MECOM: variants seen among roughly 807,000 people sequenced by gnomAD.
MECOM encodes the protein MDS1 and EVI1 complex locus.
A neutral mutation model predicts 116.3 loss-of-function variants in MECOM; 13 were observed. The ratio of observed to expected loss-of-function variants is 0.11; its 90% CI spans 0.07 to 0.18. The LOEUF is 0.18. Ranked by LOEUF, MECOM falls within the 10% of genes least tolerant of loss-of-function variation. MECOM has a pLI of 1.00. For synonymous variants in MECOM, 528 were observed against 535.2 expected (o/e 0.99, Z 0.19); for missense variants, 1,299 against 1,509.0 (o/e 0.86, Z 2.31).
intron 2 of MECOM, among the ~76,000 whole-genome samples, chr3:169,183,761 TACACACACACACACACACACACACACAC>T (rs71166249): frequency 0.1 from 12,129 of 118,740 alleles, 995 homozygotes; most frequent in East Asian, 0.28. Context: ...GATACATACA[TACACACACACACACACACACACACACAC>T]ACACACACAC....
chr3:169,102,917 C>T (rs1724083538), intron 10 of MECOM, among the ~76,000 whole-genome samples: 1 of 151,800 alleles, frequency 6.6e-6, no homozygotes, highest in African/African-American at 2.4e-5. Flanking sequence ...TATAACATAA[C>T]TTGGCATGTG....
At position 169,663,690 on chromosome 3, in the gene MECOM, A is replaced by G. The variant is rs1053908660; in HGVS notation, c.-318T>C. 5.5e-6 allele frequency: 2 copies of G among 364,622 alleles called. No individual in the cohort carries two copies. Among genetic ancestry groups the G allele is most frequent in the Non-Finnish European group, 9.8e-6 (2 of 204,366 alleles). 22.6% of individuals were successfully genotyped at this position (364,622 alleles called of 1,614,324 possible). On this transcript the variant is annotated 5_prime_UTR_variant, in exon 1 of 17. Transcript: ENST00000651503. ...TTGGACACCTTCGCACATGCGCGCT[A>G]GACGCCCCTCCAACATCTCAGCGCC...
intron 2 of MECOM, among the ~76,000 whole-genome samples, chr3:169,239,738 C>A (rs1280517638): frequency 1.3e-5 from 2 of 151,900 alleles, no homozygotes; most frequent in Admixed American, 6.6e-5. Context: ...AGAATAGAAA[C>A]CTCAGTTACA....
intron 2 of MECOM, among the ~76,000 whole-genome samples, chr3:169,263,077 C>CTCTATA (rs1757751466): frequency 3.0e-5 from 1 of 32,914 alleles, no homozygotes; most frequent in African/African-American, 1.0e-4. Context: ...TTTCAAGATG[C>CTCTATA]TATATATATA....
intron 2 of MECOM, among the ~76,000 whole-genome samples, chr3:169,218,600 T>C (rs2149491227): frequency 6.6e-6 from 1 of 152,324 alleles, no homozygotes; most frequent in African/African-American, 2.4e-5. Context: ...GCCTGTAACC[T>C]GTGGTCTCAC....
chr3:169,181,853 T>C (rs1746011885), intron 2 of MECOM, among the ~76,000 whole-genome samples: 1 of 152,208 alleles, frequency 6.6e-6, no homozygotes, highest in Non-Finnish European at 1.5e-5. Context: ...TCTGTGACCC[T>C]GGAACATTAA....
intron 1 of MECOM, among the ~76,000 whole-genome samples, chr3:169,538,061 G>A (rs1422259618): frequency 2.6e-5 from 4 of 152,242 alleles, no homozygotes; most frequent in African/African-American, 9.6e-5. Context: ...CTGAGATGGG[G>A]TCTAGGCATC....
Position 169,084,286 on chromosome 3 carries a change from C to T in MECOM, c.*623G>A, listed in dbSNP as rs1488381038. ...CTTAACCTCTTTGAGTGTTAACATC[C>T]ATAGTTTACAATATACACATACCCT... On this transcript the variant is annotated 3_prime_UTR_variant, in exon 17 of 17. Coordinates refer to ENST00000651503, the MANE Select transcript of MECOM (RefSeq NM_004991.4). 4.3e-6 allele frequency: 1 copy of T among 230,554 alleles called. No individual in the cohort carries two copies. Among genetic ancestry groups the T allele is most frequent in the African/African-American group, 2.2e-5 (1 of 45,166 alleles). The allele number at this position is 230,554 out of a possible 1,614,324, so 14.3% of individuals were successfully genotyped here.
chr3:169,649,409 C>CAA (rs71634436), intron 1 of MECOM, among the ~76,000 whole-genome samples: 4 of 74,452 alleles, frequency 5.4e-5, no homozygotes, highest in East Asian at 3.7e-4. Context: ...AACTCCATCT[C>CAA]AAAAAAAAAA....
At chr3:169,661,306 C>A in intron 1 of MECOM, among the ~76,000 whole-genome samples, 1 of 134,524 alleles carries the variant, frequency 7.4e-6, no homozygotes, top group Admixed American at 7.3e-5. Context: ...CCCGCCAACT[C>A]CCCCCCCCAC....
Position 169,533,106 on chromosome 3 carries a change from A to G in MECOM, c.37+130230T>C, listed in dbSNP as rs148704765. Among the ~76,000 whole-genome samples, 19 of 152,266 alleles carry G rather than the reference A, an allele frequency of 1.2e-4. No homozygotes were observed. In the East Asian group the frequency reaches 3.1e-3, roughly 25 times the overall value. On this transcript the variant is annotated intron_variant, in intron 1 of 16. Transcript: ENST00000651503. The stretch of plus-strand genomic sequence containing the variant: ...TGCAGCCGATGCCACTGAGTCATCA[A>G]TTTCCACTGTATTATCCAATGTTCT...
chr3:169,293,745 G>A (rs1219373316), intron 2 of MECOM, among the ~76,000 whole-genome samples: 1 of 152,180 alleles, frequency 6.6e-6, no homozygotes, highest in Non-Finnish European at 1.5e-5. Flanking sequence ...AGGGTATGGA[G>A]TTTGTCTAGA....
chr3:169,095,895 G>A (rs921703834), intron 12 of MECOM, among the ~76,000 whole-genome samples: 2 of 151,792 alleles, frequency 1.3e-5, no homozygotes, highest in African/African-American at 2.4e-5. Context: ...GAAAGCAAAG[G>A]GCTTCCATTT....
chr3:169,420,928 T>C (rs946412294), intron 1 of MECOM, among the ~76,000 whole-genome samples: 1 of 152,176 alleles, frequency 6.6e-6, no homozygotes, highest in African/African-American at 2.4e-5. Flanking sequence ...AACACAATTT[T>C]ATGTAGGGTG....
intron 1 of MECOM, among the ~76,000 whole-genome samples, chr3:169,419,020 T>C (rs6795514): frequency 0.12 from 18,090 of 152,246 alleles, 1,401 homozygotes; most frequent in East Asian, 0.35. Flanking sequence ...CAAAATCTCC[T>C]TAAGCTGATA....
chr3:169,598,148 T>C (rs760400874), intron 1 of MECOM, among the ~76,000 whole-genome samples: 1 of 152,324 alleles, frequency 6.6e-6, no homozygotes, highest in Non-Finnish European at 1.5e-5. Flanking sequence ...ATAATAAGGG[T>C]ACAAAAAATT....
At chr3:169,536,580 T>A (rs1329773900) in intron 1 of MECOM, among the ~76,000 whole-genome samples, 1 of 151,324 alleles carries the variant, frequency 6.6e-6, no homozygotes, top group African/African-American at 2.4e-5. Flanking sequence ...AGAAAAAAAT[T>A]AGTGGAGCTA....
chr3:169,289,416 T>C (rs1391221268), intron 2 of MECOM, among the ~76,000 whole-genome samples: 1 of 152,240 alleles, frequency 6.6e-6, no homozygotes, highest in Non-Finnish European at 1.5e-5. Context: ...CTTATTTTTA[T>C]GTCCTAATTA....
chr3:169,414,757 A>T (rs1738235197), intron 1 of MECOM, among the ~76,000 whole-genome samples: 2 of 152,176 alleles, frequency 1.3e-5, no homozygotes, highest in Non-Finnish European at 2.9e-5. Context: ...CAATAGCCCA[A>T]TCAATCAAGT....
Sources: allele counts gnomAD v4.1 joint callset (sites outside exome capture counted in the v4.1 genomes callset), GRCh38; gene constraint gnomAD v4.1.1; transcripts MANE v1.5; gene names NCBI Gene and HGNC (gene_info 2026-07-23, HGNC 2026-07-21).